Variants in ANK3 observed in about 807,000 individuals in gnomAD.
ANK3 encodes ankyrin 3, also known as ankyrin-3.
Under a neutral mutation model 370.9 loss-of-function variants are expected in ANK3, and 57 were observed. The ratio of observed to expected loss-of-function variants is 0.15; its 90% confidence interval spans 0.12 to 0.19. ANK3 has a LOEUF of 0.19. ANK3 is among the 10% of genes least tolerant of loss of function. ANK3 has a pLI of 1.00. For missense variants in ANK3, 4,439 were observed against 5,302.1 expected, an observed-to-expected ratio of 0.84 and a Z score of 5.06; for synonymous variants, 1,929 against 1,946.3, an observed-to-expected ratio of 0.99 and a Z score of 0.23.
chr10:60,254,111 C>T (rs2097703725), intron 7 of ANK3, among the ~76,000 whole-genome samples: 1 of 152,140 alleles, frequency 6.6e-6, no homozygotes, highest in African/African-American at 2.4e-5. Flanking sequence ...CACACACTCT[C>T]TGTACACTTT....
At chr10:60,551,444 C>G (rs1356103950) in intron 2 of ANK3, among the ~76,000 whole-genome samples, 2 of 152,016 alleles carry the variant, frequency 1.3e-5, no homozygotes, top group African/African-American at 2.4e-5. Flanking sequence ...TTTGGGATGC[C>G]ATTTACAAAT....
chr10:60,479,514 A>C (rs1370721136), intron 2 of ANK3, among the ~76,000 whole-genome samples: 1 of 152,178 alleles, frequency 6.6e-6, no homozygotes, highest in African/African-American at 2.4e-5. Context: ...GTGACACATG[A>C]CTGCATATTA....
chr10:60,671,204 T>C (rs1399531513), intron 1 of ANK3, among the ~76,000 whole-genome samples: 1 of 152,196 alleles, frequency 6.6e-6, no homozygotes, highest in African/African-American at 2.4e-5. Flanking sequence ...TCCACAAGGT[T>C]CTGCATGATC....
intron 8 of ANK3, among the ~76,000 whole-genome samples, chr10:60,226,490 C>CATATACTATAGTATATATACATAGTAT (rs1348723107): frequency 4.6e-4 from 29 of 63,386 alleles, no homozygotes; most frequent in East Asian, 3.7e-3. Flanking sequence ...TATATATATA[C>CATATACTATAGTATATATACATAGTAT]ATATACTATA....
At chr10:60,670,571 C>T (rs1406341539) in intron 1 of ANK3, among the ~76,000 whole-genome samples, 1 of 152,118 alleles carries the variant, frequency 6.6e-6, no homozygotes, top group Non-Finnish European at 1.5e-5. Context: ...CTCCATAAGC[C>T]GTTTTCCACC....
chr10:60,716,460 C>T (rs554018041), intron 1 of ANK3, among the ~76,000 whole-genome samples: 1 of 152,024 alleles, frequency 6.6e-6, no homozygotes, highest in African/African-American at 2.4e-5. Flanking sequence ...CTCAATCTTC[C>T]ACTCAAGTCA....
At chr10:60,651,724 G>A (rs1250097198) in intron 1 of ANK3, among the ~76,000 whole-genome samples, 1 of 152,128 alleles carries the variant, frequency 6.6e-6, no homozygotes, top group Non-Finnish European at 1.5e-5. Context: ...GATAATGAGA[G>A]TATCTACTTT....
intron 2 of ANK3, among the ~76,000 whole-genome samples, chr10:60,573,805 CA>C (rs1424911012): frequency 6.6e-6 from 1 of 151,960 alleles, no homozygotes; most frequent in Non-Finnish European, 1.5e-5. Context: ...GACAGAAGTA[CA>C]AAGTGAGAGT....
At chr10:60,395,585 T>A (rs1378414986) in intron 2 of ANK3, among the ~76,000 whole-genome samples, 1 of 125,546 alleles carries the variant, frequency 8.0e-6, no homozygotes, top group African/African-American at 3.3e-5. Flanking sequence ...TCTTTCTTTC[T>A]TTCTTTCTTT....
chr10:60,101,522 G>C (rs1218525593), intron 28 of ANK3, among the ~76,000 whole-genome samples: 1 of 152,166 alleles, frequency 6.6e-6, no homozygotes, highest in Non-Finnish European at 1.5e-5. Flanking sequence ...TCTGTTTGCA[G>C]CATCTTTTTC....
chr10:60,369,254 CAT>C, intron 1 of ANK3, among the ~76,000 whole-genome samples: 1 of 152,208 alleles, frequency 6.6e-6, no homozygotes, highest in South Asian at 2.1e-4. Context: ...CCTTGTGCCA[CAT>C]GTCTCAGATT....
intron 16 of ANK3, among the ~76,000 whole-genome samples, chr10:60,194,430 C>G (rs1365996457): frequency 2.6e-5 from 4 of 152,196 alleles, no homozygotes; most frequent in Admixed American, 2.6e-4. Flanking sequence ...TCCCTCTACC[C>G]TTGACATCCA....
intron 2 of ANK3, among the ~76,000 whole-genome samples, chr10:60,564,780 C>A (rs895037394): frequency 6.6e-6 from 1 of 152,042 alleles, no homozygotes; most frequent in Non-Finnish European, 1.5e-5. Context: ...CGAAGTCTAC[C>A]CTTAGAAGAA....
chr10:60,087,527 T>G (rs2087022638), intron 29 of ANK3, among the ~76,000 whole-genome samples: 1 of 152,136 alleles, frequency 6.6e-6, no homozygotes, highest in African/African-American at 2.4e-5. Flanking sequence ...AAAACCCAGT[T>G]AACTCCATTG....
intron 1 of ANK3, among the ~76,000 whole-genome samples, chr10:60,696,421 A>T (rs1216210156): frequency 4.6e-5 from 7 of 150,950 alleles, no homozygotes; most frequent in African/African-American, 1.7e-4. Context: ...CATCATCCTG[A>T]TACCAAAGCC....
intron 7 of ANK3, among the ~76,000 whole-genome samples, chr10:60,248,185 T>C (rs1297416556): frequency 6.6e-6 from 1 of 152,178 alleles, no homozygotes; most frequent in Non-Finnish European, 1.5e-5. Flanking sequence ...TTATTTTGGG[T>C]ATATACCCAG....
intron 40 of ANK3, chr10:60,060,698 A>AAAAC (rs2080250961): frequency 6.6e-6 from 1 of 152,198 alleles, no homozygotes; most frequent in African/African-American, 2.4e-5. Context: ...GTGTTGTACA[A>AAAAC]AAACAGATAT....
intron 14 of ANK3, 102 bp from the exon 15 acceptor site, chr10:60,196,727 TA>T: frequency 1.4e-6 from 1 of 700,092 alleles, no homozygotes; most frequent in Non-Finnish European, 2.4e-6. Flanking sequence ...AGATATGACA[TA>T]AGGGCACTGC....
rs368259667 is a variant in ANK3 at position 60,172,856 on chromosome 10, A to T, written c.2382+44T>A. ...TAAGAAGACACCAGAGTCCAGGCCCATCTATCTCCTCCCTCTTCTCCTGAG... is the reference window on the plus strand; with the variant it reads ...TAAGAAGACACCAGAGTCCAGGCCCTTCTATCTCCTCCCTCTTCTCCTGAG... On this transcript the variant is annotated intron_variant, in intron 20 of 43. Coordinates refer to ENST00000280772, the MANE Select transcript of ANK3 (RefSeq NM_020987.5). 108 of 1,339,696 alleles carry T rather than the reference A, an allele frequency of 8.1e-5. No individual in the cohort carries two copies. The African/African-American group carries it at 1.4e-3, about 18-fold the overall frequency. 83.0% of individuals were successfully genotyped at this position (1,339,696 alleles called of 1,614,324 possible). A position where few individuals can be genotyped will look rare whatever the true frequency, so the allele number is the denominator to read the frequency against.
Sources: gnomAD v4.1 joint callset for allele counts (sites outside exome capture counted in the v4.1 genomes callset) on GRCh38, gnomAD v4.1.1 for gene constraint, MANE v1.5 for transcripts, NCBI Gene and HGNC (gene_info 2026-07-23, HGNC 2026-07-21) for gene names.